The following RGS7 variants were observed in gnomAD, a reference collection of about 807,000 sequenced individuals.
The protein encoded by RGS7 is regulator of G protein signaling 7.
Under a neutral mutation model 81.1 loss-of-function variants are expected in RGS7, and 27 were observed. That is an observed-to-expected ratio of 0.33 (90% CI 0.25 to 0.46). The LOEUF (loss-of-function observed/expected upper bound fraction) is 0.46. Among genes scored for constraint, RGS7 ranks in the 20% least tolerant of loss-of-function variants. The probability of loss-of-function intolerance (pLI) is 1.00; values close to 1 mark genes in which losing one functional copy is unlikely to be tolerated. For missense variants in RGS7, 396 were observed against 607.4 expected (o/e 0.65, Z 3.66); for synonymous variants, 208 against 207.7 (o/e 1.00, Z -0.01).
chr1:240,801,066 C>T lies in RGS7; in HGVS notation c.1414-345G>A, dbSNP rs1687945095. Among the ~76,000 whole-genome samples the T allele has an allele frequency of 2.0e-5, 3 of 152,146 alleles. No individual in the cohort carries two copies. In the South Asian group the frequency reaches 6.2e-4, roughly 32 times the overall value. On this transcript the variant is annotated intron_variant, in intron 17 of 18. Coordinates refer to ENST00000440928, the MANE Select transcript of RGS7 (RefSeq NM_001364886.1). ...GCAGAAGTAAAACGCATAGAACCCT[C>T]ATTGTTCTTAACATTTTAAGCCTCA...
chr1:240,841,514 T>C (rs779503891), intron 9 of RGS7, among the ~76,000 whole-genome samples: 1 of 152,176 alleles, frequency 6.6e-6, no homozygotes, highest in Non-Finnish European at 1.5e-5. Context: ...ATTCAAGATA[T>C]AAACTAAGAA....
At chr1:241,083,017 G>T (rs932572220) in intron 3 of RGS7, among the ~76,000 whole-genome samples, 3 of 152,066 alleles carry the variant, frequency 2.0e-5, no homozygotes, top group Admixed American at 2.0e-4. Flanking sequence ...TTGAGGTCAG[G>T]AGTTCAAGAC....
intron 3 of RGS7, among the ~76,000 whole-genome samples, chr1:241,029,521 G>A (rs944540286): frequency 6.6e-6 from 1 of 152,004 alleles, no homozygotes; most frequent in Non-Finnish European, 1.5e-5. Flanking sequence ...GAATATTCTG[G>A]GTGTAGTGAC....
intron 3 of RGS7, among the ~76,000 whole-genome samples, chr1:241,088,637 A>G (rs2063622157): frequency 6.6e-6 from 1 of 152,108 alleles, no homozygotes; most frequent in Non-Finnish European, 1.5e-5. Flanking sequence ...TATAAAAACT[A>G]AACTTCCACC....
chr1:241,201,616 A>C (rs941697044), intron 2 of RGS7, among the ~76,000 whole-genome samples: 1 of 151,402 alleles, frequency 6.6e-6, no homozygotes, highest in Non-Finnish European at 1.5e-5. Context: ...AACCAACACC[A>C]CTTTTTTTTA....
chr1:241,247,057 T>C (rs372666562), intron 2 of RGS7, among the ~76,000 whole-genome samples: 18 of 152,102 alleles, frequency 1.2e-4, no homozygotes, highest in Middle Eastern at 3.4e-3. Flanking sequence ...GCTGGGACCA[T>C]TGTACATATG....
In RGS7 at chr1:241,346,392, G is replaced by A. The variant is rs560981309; in HGVS notation, c.78+9307C>T. On this transcript the variant is annotated intron_variant, in intron 2 of 18. Coordinates refer to ENST00000440928, the MANE Select transcript of RGS7 (RefSeq NM_001364886.1). ...CATACACATAGCTGCCCCATACACA[G>A]CCAAGGCCAATGCATATGTAATGAA... is the stretch of plus-strand genomic sequence containing the variant. Among the ~76,000 whole-genome samples, 11 of 14,340 alleles carry A rather than the reference G, an allele frequency of 7.7e-4. No individual in the cohort carries two copies. In the East Asian group the frequency reaches 0.42, roughly 552 times the overall value. 9.4% of individuals were successfully genotyped at this position (14,340 alleles called of 152,430 possible).
In RGS7 at chr1:240,930,776, A is replaced by T; in HGVS notation, c.334-8T>A. ...TGGCCAAAAATAGGGGGTCTGCGGAATGAAAAGAAGTGGAACCCAGATTAG... is the reference window on the plus strand; with the variant it reads ...TGGCCAAAAATAGGGGGTCTGCGGATTGAAAAGAAGTGGAACCCAGATTAG... On this transcript the variant is annotated splice_region_variant and splice_polypyrimidine_tract_variant and intron_variant, in intron 5 of 18. Coordinates refer to ENST00000440928, the MANE Select transcript of RGS7 (RefSeq NM_001364886.1). 1 of 1,613,850 alleles carries T rather than the reference A, an allele frequency of 6.2e-7. No homozygotes were observed. The highest frequency in any genetic ancestry group is 8.5e-7 in the Non-Finnish European group (1 of 1,179,738).
chr1:240,900,642 C>G (rs993365847), intron 6 of RGS7, among the ~76,000 whole-genome samples: 1 of 152,126 alleles, frequency 6.6e-6, no homozygotes, highest in Non-Finnish European at 1.5e-5. Flanking sequence ...GCTGTCTGAT[C>G]CTTCCTCTGG....
chr1:240,923,603 A>G (rs1473598780), intron 6 of RGS7, among the ~76,000 whole-genome samples: 1 of 152,080 alleles, frequency 6.6e-6, no homozygotes, highest in Non-Finnish European at 1.5e-5. Context: ...AGTGAATGAC[A>G]AAGGCTTGGA....
At chr1:240,955,451 C>G (rs1420125820) in intron 4 of RGS7, among the ~76,000 whole-genome samples, 1 of 151,136 alleles carries the variant, frequency 6.6e-6, no homozygotes, top group Non-Finnish European at 1.5e-5. Flanking sequence ...ACTTGGGAGT[C>G]TGTGGCAGGA....
chr1:241,256,104 C>G (rs1445129745), intron 2 of RGS7, among the ~76,000 whole-genome samples: 2 of 152,172 alleles, frequency 1.3e-5, no homozygotes, highest in Non-Finnish European at 2.9e-5. Context: ...AATCCCTGTT[C>G]TGTAATTCTC....
At chr1:241,044,103 GTTTTTTTTGTT>G (rs371425002) in intron 3 of RGS7, among the ~76,000 whole-genome samples, 10,375 of 140,800 alleles carry the variant, frequency 0.074, 498 homozygotes, top group African/African-American at 0.15. Context: ...CTTTCTTTTT[GTTTTTTTTGTT>G]TTTTTTTTTT....
chr1:241,058,526 C>T (rs1245056375), intron 3 of RGS7, among the ~76,000 whole-genome samples: 1 of 152,116 alleles, frequency 6.6e-6, no homozygotes, highest in Non-Finnish European at 1.5e-5. Context: ...AGGGAAGAAT[C>T]GAGGTTGCTG....
intron 2 of RGS7, among the ~76,000 whole-genome samples, chr1:241,114,434 C>T (rs1377533498): frequency 6.6e-6 from 1 of 152,002 alleles, no homozygotes; most frequent in Non-Finnish European, 1.5e-5. Context: ...CTTGCTACAG[C>T]AAGTGCTGAA....
rs928408794 is a variant in RGS7 at position 241,062,111 on chromosome 1, T to C, written c.175+36555A>G. ...AACCTTATTCAAAAGTGATCTTCTATAGGAAATCTTTCGAGTGGTTAGATA... is the reference window on the plus strand; with the variant it reads ...AACCTTATTCAAAAGTGATCTTCTACAGGAAATCTTTCGAGTGGTTAGATA... On this transcript the variant is annotated intron_variant, in intron 3 of 18. Transcript: ENST00000440928. Among the ~76,000 whole-genome samples, 5 of 152,366 alleles carry C rather than the reference T, an allele frequency of 3.3e-5. No homozygotes were observed. The East Asian group carries it at 7.7e-4, about 23-fold the overall frequency.
chr1:240,927,442 A>G (rs559799165), intron 6 of RGS7, among the ~76,000 whole-genome samples: 72 of 152,324 alleles, frequency 4.7e-4, no homozygotes, highest in South Asian at 1.4e-3. Flanking sequence ...CAGCCTAAGT[A>G]GTTACTGTGC....
At chr1:241,286,221 T>C (rs992167072) in intron 2 of RGS7, among the ~76,000 whole-genome samples, 2 of 152,112 alleles carry the variant, frequency 1.3e-5, no homozygotes, top group Non-Finnish European at 2.9e-5. Context: ...CACAGAAGCA[T>C]TGAGATGGAA....
At chr1:241,256,322 C>T (rs2077050191) in intron 2 of RGS7, among the ~76,000 whole-genome samples, 1 of 152,086 alleles carries the variant, frequency 6.6e-6, no homozygotes, top group Non-Finnish European at 1.5e-5. Context: ...ATTAAAAAGA[C>T]TATGCTCTGA....
Sources: allele counts gnomAD v4.1 joint callset (sites outside exome capture counted in the v4.1 genomes callset), GRCh38; gene constraint gnomAD v4.1.1; transcripts MANE v1.5; gene names NCBI Gene and HGNC (gene_info 2026-07-23, HGNC 2026-07-21).